Variants in MOCS2 observed in about 807,000 individuals in gnomAD.
The protein encoded by MOCS2 is molybdopterin synthase catalytic subunit.
A neutral mutation model predicts 21.9 loss-of-function variants in MOCS2; 13 were observed. The ratio of observed to expected loss-of-function variants is 0.59; its 90% CI spans 0.39 to 0.94. The LOEUF is 0.94. Among genes scored for constraint, MOCS2 ranks in the 40% least tolerant of loss-of-function variants. The probability of loss-of-function intolerance (pLI) is 0.00; values close to 1 mark genes in which losing one functional copy is unlikely to be tolerated. For missense variants in MOCS2, 227 were observed against 218.3 expected (o/e 1.04, Z -0.25); for synonymous variants, 92 against 80.8 (o/e 1.14, Z -0.74).
chr5:53,109,620 G>T lies in MOCS2; in HGVS notation c.-539C>A. ...TGGGGGCTAGTGGGGAGGTCCGACT[G>T]ACCAAGGCTGGGTATGTGGAGGGAA... On this transcript the variant is annotated 5_prime_UTR_variant, in exon 1 of 7. The change creates a premature stop within an existing upstream ORF in the 5' untranslated region. Transcript: ENST00000396954. 6.5e-7 allele frequency: 1 copy of T among 1,532,588 alleles called. No homozygotes were observed. The highest frequency in any genetic ancestry group is 1.2e-5 in the South Asian group (1 of 82,992). The allele number at this position is 1,532,588 out of a possible 1,614,324, so 94.9% of individuals were successfully genotyped here.
chr5:53,097,929 T>G lies in MOCS2; in HGVS notation c.*673A>C, dbSNP rs570413748. 3 of 152,190 alleles carry G rather than the reference T, an allele frequency of 2.0e-5. No homozygotes were observed. The highest frequency in any genetic ancestry group is 7.2e-5 in the African/African-American group (3 of 41,444). 9.4% of individuals were successfully genotyped at this position (152,190 alleles called of 1,614,324 possible). A position where few individuals can be genotyped will look rare whatever the true frequency, so the allele number is the denominator to read the frequency against. On this transcript the variant is annotated 3_prime_UTR_variant, in exon 7 of 7. Transcript: ENST00000396954. ...AGCTTTATGACAATTTTGTGCTGATTTGTATATTGATACAAAATTAACAAC... is the reference window on the plus strand; with the variant it reads ...AGCTTTATGACAATTTTGTGCTGATGTGTATATTGATACAAAATTAACAAC...
At chr5:53,098,689 G>A in intron 6 of MOCS2, 22 bp from the exon 7 acceptor site, 1 of 1,557,938 alleles carries the variant, frequency 6.4e-7, no homozygotes, top group Middle Eastern at 1.7e-4. Flanking sequence ...AATCATAACA[G>A]GTATTAAAAA....
chr5:53,107,047 G>T, intron 3 of MOCS2, 30 bp downstream of exon 3: 2 of 1,612,710 alleles, frequency 1.2e-6, no homozygotes, highest in South Asian at 2.2e-5. Flanking sequence ...TTCCCCACAC[G>T]ACTGATTAAG....
rs1269495374 is a variant in MOCS2, at chr5:53,098,397, T to C, written c.*205A>G. On this transcript the variant is annotated 3_prime_UTR_variant, in exon 7 of 7. Coordinates refer to ENST00000396954, the MANE Select transcript of MOCS2 (RefSeq NM_004531.5). ...TAAATTATTCCATTTCTTCCTACAGTCCTCCTTCTATCTTTAGTTCCATTT... is the reference window on the plus strand; with the variant it reads ...TAAATTATTCCATTTCTTCCTACAGCCCTCCTTCTATCTTTAGTTCCATTT... 3 of 597,350 alleles carry C rather than the reference T, an allele frequency of 5.0e-6. No individual in the cohort carries two copies. The highest frequency in any genetic ancestry group is 9.0e-6 in the Non-Finnish European group (3 of 334,816). The allele number at this position is 597,350 out of a possible 1,614,324, so 37.0% of individuals were successfully genotyped here.
chr5:53,106,379 C>T lies in MOCS2; in HGVS notation c.98+698G>A, dbSNP rs778182100. 1.7e-4 allele frequency among the ~76,000 whole-genome samples: 26 copies of T among 152,218 alleles called. No homozygotes were observed. The South Asian group carries it at 3.1e-3, about 18-fold the overall frequency. On this transcript the variant is annotated intron_variant, in intron 3 of 6. Transcript: ENST00000396954. ...AATACTATGCAGCCATAAGAAAGAACGAGATCAAGTCCTTTGCAGGGACAT... is the reference window on the plus strand; with the variant it reads ...AATACTATGCAGCCATAAGAAAGAATGAGATCAAGTCCTTTGCAGGGACAT...
intron 3 of MOCS2, among the ~76,000 whole-genome samples, chr5:53,102,498 T>C (rs528900490): frequency 6.6e-6 from 1 of 152,260 alleles, no homozygotes; most frequent in South Asian, 2.1e-4. Flanking sequence ...GCTGATACAA[T>C]GATACAAAGT....
intron 3 of MOCS2, among the ~76,000 whole-genome samples, chr5:53,104,824 A>G (rs1319439053): frequency 1.3e-5 from 2 of 152,214 alleles, no homozygotes; most frequent in Non-Finnish European, 2.9e-5. Context: ...TTGAATAAAA[A>G]TCCTATCAAA....
At position 53,107,108 on chromosome 5, in the gene MOCS2, A is replaced by T. The variant is rs140999182; in HGVS notation, c.67T>A (p.Leu23Ile). 4 of 1,613,990 alleles carry T rather than the reference A, an allele frequency of 2.5e-6. No individual in the cohort carries two copies. The highest frequency in any genetic ancestry group is 3.4e-6 in the Non-Finnish European group (4 of 1,179,908). ...GGCTCAAAAGCACTATCCTCCACTA[A>T]TGGGGGGGATAACGGCAATTTCGTC... ...LETKLPLSPP[L>I]VEDSAFEPSR... Residue 23 changes from leucine (L) to isoleucine (I), a missense_variant, in exon 3 of 7, where the codon TTA (leucine) becomes ATA (isoleucine). Physicochemically the swap from Leu to Ile is conservative, Grantham distance 5. Coordinates refer to ENST00000396954, the MANE Select transcript of MOCS2 (RefSeq NM_004531.5).
intron 3 of MOCS2, among the ~76,000 whole-genome samples, chr5:53,103,508 GA>G (rs1740972948): frequency 6.6e-6 from 1 of 152,124 alleles, no homozygotes; most frequent in South Asian, 2.1e-4. Flanking sequence ...GGAAATAAGG[GA>G]ATGAACTGCA....
At chr5:53,107,245 A>T in intron 2 of MOCS2, 24 bp from the exon 3 acceptor site, 1 of 1,600,346 alleles carries the variant, frequency 6.2e-7, no homozygotes. Context: ...AATATGACTC[A>T]AAGTATCAAC....
rs1223038908 is a variant in MOCS2, at chr5:53,098,003, T to A, written c.*599A>T. The A allele has an allele frequency of 6.6e-6, 1 of 151,980 alleles. No homozygotes were observed. Among genetic ancestry groups the A allele is most frequent in the African/African-American group, 2.4e-5 (1 of 41,368 alleles). 9.4% of individuals were successfully genotyped at this position (151,980 alleles called of 1,614,324 possible). On this transcript the variant is annotated 3_prime_UTR_variant, in exon 7 of 7. Transcript: ENST00000396954. ...TCTGGTAAGATTATAGATTCTGAAA[T>A]CCCAGAAATCTCCATAATGAGAACT... is the stretch of plus-strand genomic sequence containing the variant.
intron 3 of MOCS2, 105 bp downstream of exon 3, chr5:53,106,972 C>T: frequency 1.6e-6 from 2 of 1,288,156 alleles, no homozygotes; most frequent in Non-Finnish European, 2.2e-6. Context: ...AGATTTGGTA[C>T]AGACAGACTT....
intron 3 of MOCS2, among the ~76,000 whole-genome samples, chr5:53,105,483 C>A (rs1188452603): frequency 7.2e-5 from 11 of 152,128 alleles, no homozygotes; most frequent in Admixed American, 3.9e-4. Flanking sequence ...GAAAGGATAC[C>A]CTATTCAATA....
chr5:53,101,096 TCA>T (rs1255045233), intron 5 of MOCS2: 23 of 525,322 alleles, frequency 4.4e-5, no homozygotes, highest in Non-Finnish European at 6.8e-5. Flanking sequence ...AAAGAATCTG[TCA>T]CAGATTGTCA....
At chr5:53,100,671 A>G in intron 5 of MOCS2, 137 bp from the exon 6 acceptor site, 1 of 885,124 alleles carries the variant, frequency 1.1e-6, no homozygotes. Context: ...GTAAACATAC[A>G]GTTAGAAAAG....
At chr5:53,105,389 T>C (rs758498696) in intron 3 of MOCS2, among the ~76,000 whole-genome samples, 16 of 151,880 alleles carry the variant, frequency 1.1e-4, no homozygotes, top group Non-Finnish European at 2.1e-4. Context: ...CATAGACAAA[T>C]GAAACAGAAC....
Position 53,100,609 on chromosome 5 carries a change from GA to G in MOCS2, c.378-76del, listed in dbSNP as rs3214755. On this transcript the variant is annotated intron_variant, in intron 5 of 6. Transcript: ENST00000396954. ...GTGTTAAAGAATCTGCTAGACAGAT[GA>G]AAAAAAATCCAGGTATGCAGTCTTA... 0.31 allele frequency: 463,730 copies of G among 1,486,862 alleles called. 76,833 individuals are homozygous for G. The highest frequency in any genetic ancestry group is 0.34 in the Admixed American group (18,548 of 54,808). 92.1% of individuals were successfully genotyped at this position (1,486,862 alleles called of 1,614,324 possible). A position where few individuals can be genotyped will look rare whatever the true frequency, so the allele number is the denominator to read the frequency against.
chr5:53,108,239 G>A (rs1561177696), intron 2 of MOCS2: 1 of 292,098 alleles, frequency 3.4e-6, no homozygotes, highest in African/African-American at 2.2e-5. Context: ...TTCATTTAAT[G>A]TTATAAAATT....
At chr5:53,100,614 A>G in intron 5 of MOCS2, 80 bp from the exon 6 acceptor site, 1 of 1,484,584 alleles carries the variant, frequency 6.7e-7, no homozygotes, top group East Asian at 2.4e-5. Context: ...CAGATGAAAA[A>G]AAATCCAGGT....
Sources: allele counts gnomAD v4.1 joint callset (sites outside exome capture counted in the v4.1 genomes callset), GRCh38; gene constraint gnomAD v4.1.1; transcripts MANE v1.5; gene names NCBI Gene and HGNC (gene_info 2026-07-23, HGNC 2026-07-21).